Variants in NEO1 observed in about 807,000 individuals in gnomAD.
NEO1 encodes the protein neogenin.
A neutral mutation model predicts 159.7 loss-of-function variants in NEO1; 63 were observed. The ratio of observed to expected loss-of-function variants is 0.39; its 90% confidence interval spans 0.32 to 0.49. The LOEUF is 0.49. NEO1 is among the 20% of genes least tolerant of loss of function. The probability of loss-of-function intolerance (pLI) is 0.85; values close to 1 mark genes in which losing one functional copy is unlikely to be tolerated. For synonymous variants in NEO1, 633 were observed against 662.0 expected (o/e 0.96, Z 0.67); for missense variants, 1,615 against 1,831.0 (o/e 0.88, Z 2.15).
chr15:73,286,669 G>T (rs547442698), intron 23 of NEO1, among the ~76,000 whole-genome samples: 50 of 152,320 alleles, frequency 3.3e-4, no homozygotes, highest in African/African-American at 1.2e-3. Context: ...GTCCAGAGCA[G>T]AATTCATCAT....
At chr15:73,155,018 T>G (rs1433069109) in intron 5 of NEO1, among the ~76,000 whole-genome samples, 3 of 141,376 alleles carry the variant, frequency 2.1e-5, no homozygotes, top group South Asian at 4.2e-4. Flanking sequence ...AGTCTTTGTG[T>G]TTTTTTTTTT....
chr15:73,088,612 G>A (rs572286224), intron 1 of NEO1, among the ~76,000 whole-genome samples: 3 of 152,172 alleles, frequency 2.0e-5, no homozygotes, highest in South Asian at 4.1e-4. Context: ...AGGAGGCAAG[G>A]CTATCTTAAT....
At chr15:73,298,882 G>T (rs12442755) in intron 27 of NEO1, among the ~76,000 whole-genome samples, 45,297 of 152,028 alleles carry the variant, frequency 0.3, 7,372 homozygotes, top group East Asian at 0.53. Flanking sequence ...AGCACCTTTG[G>T]TGGTAAGTCC....
At chr15:73,253,162 G>C (rs1426063314) in intron 11 of NEO1, among the ~76,000 whole-genome samples, 1 of 152,098 alleles carries the variant, frequency 6.6e-6, no homozygotes, top group East Asian at 1.9e-4. Flanking sequence ...GTACAGCCTG[G>C]CTTGGGTGTA....
At chr15:73,114,868 A>G (rs529751831) in intron 1 of NEO1, among the ~76,000 whole-genome samples, 16 of 152,132 alleles carry the variant, frequency 1.1e-4, no homozygotes, top group Non-Finnish European at 1.6e-4. Context: ...CTATCTTTTT[A>G]TACTTTTTAT....
rs1197357686 is a variant in NEO1, at chr15:73,254,746, A to G, written c.2009A>G (p.Lys670Arg). 4 of 1,614,140 alleles carry G rather than the reference A, an allele frequency of 2.5e-6. No individual in the cohort carries two copies. Among genetic ancestry groups the G allele is most frequent in the Non-Finnish European group, 3.4e-6 (4 of 1,180,004 alleles). The change falls in exon 13 of 29, where the codon AAG becomes AGG. Residue 670 changes from lysine (K) to arginine (R), a missense_variant. Coordinates refer to ENST00000261908, the MANE Select transcript of NEO1 (RefSeq NM_002499.4). Reference protein sequence around the residue: ...ATQNGQITGYKIRYRKASRKS... With the variant: ...ATQNGQITGYRIRYRKASRKS... Reference sequence around the variant, plus strand: ...CAAAATGGGCAGATTACTGGCTACAAGATTCGCTACCGAAAGGCCTCCCGA... The same window carrying G: ...CAAAATGGGCAGATTACTGGCTACAGGATTCGCTACCGAAAGGCCTCCCGA...
At chr15:73,146,719 A>C (rs1201603776) in intron 5 of NEO1, among the ~76,000 whole-genome samples, 1 of 152,242 alleles carries the variant, frequency 6.6e-6, no homozygotes, top group African/African-American at 2.4e-5. Flanking sequence ...AGAAATATCC[A>C]TGTGAAATAA....
At chr15:73,276,156 T>G (rs978738773) in intron 21 of NEO1, among the ~76,000 whole-genome samples, 16 of 152,242 alleles carry the variant, frequency 1.1e-4, no homozygotes, top group African/African-American at 3.9e-4. Context: ...GTGCAATTCT[T>G]AGCTGCCTGA....
chr15:73,264,647 G>A (rs1357379054), intron 15 of NEO1, among the ~76,000 whole-genome samples: 1 of 152,188 alleles, frequency 6.6e-6, no homozygotes, highest in Non-Finnish European at 1.5e-5. Flanking sequence ...AAGCAAGTGA[G>A]AGGTGGAGAA....
chr15:73,099,738 T>C (rs548402551), intron 1 of NEO1, among the ~76,000 whole-genome samples: 12 of 152,196 alleles, frequency 7.9e-5, no homozygotes, highest in Non-Finnish European at 1.5e-4. Context: ...TGTAGACATA[T>C]GGGTACTTGA....
At chr15:73,288,219 A>G (rs1451537235) in intron 23 of NEO1, 94 bp from the exon 24 acceptor site, 3 of 1,206,560 alleles carry the variant, frequency 2.5e-6, no homozygotes, top group African/African-American at 3.0e-5. Flanking sequence ...TGCTTGAAAC[A>G]TCTCTCAGAA....
intron 26 of NEO1, among the ~76,000 whole-genome samples, chr15:73,297,719 C>G (rs1351258220): frequency 6.6e-6 from 1 of 152,244 alleles, no homozygotes; most frequent in African/African-American, 2.4e-5. Context: ...AATCTACCCC[C>G]ATTTCCTTCT....
chr15:73,146,913 C>T (rs1051455999), intron 5 of NEO1, among the ~76,000 whole-genome samples: 1 of 152,084 alleles, frequency 6.6e-6, no homozygotes, highest in African/African-American at 2.4e-5. Flanking sequence ...ATTTTTGTTA[C>T]TAAAATGACC....
At chr15:73,221,236 C>T (rs1306232313) in intron 7 of NEO1, among the ~76,000 whole-genome samples, 1 of 152,218 alleles carries the variant, frequency 6.6e-6, no homozygotes, top group Non-Finnish European at 1.5e-5. Context: ...GTCTGCAGAA[C>T]AGCGGTTTTT....
intron 1 of NEO1, among the ~76,000 whole-genome samples, chr15:73,106,797 G>C (rs1298061403): frequency 6.6e-6 from 1 of 152,160 alleles, no homozygotes; most frequent in Non-Finnish European, 1.5e-5. Flanking sequence ...AATAATTAAT[G>C]TAGGAAAAGC....
Position 73,302,924 on chromosome 15 carries a change from T to A in NEO1, c.*228T>A. 2.0e-6 allele frequency: 1 copy of A among 501,830 alleles called. No individual in the cohort carries two copies. The highest frequency in any genetic ancestry group is 2.3e-5 in the South Asian group (1 of 43,340). 31.1% of individuals were successfully genotyped at this position (501,830 alleles called of 1,614,324 possible). A position where few individuals can be genotyped will look rare whatever the true frequency, so the allele number is the denominator to read the frequency against. On this transcript the variant is annotated 3_prime_UTR_variant, in exon 29 of 29. Transcript: ENST00000261908. ...GAGGCAGCTTCCCTTTGCCTGCTGA[T>A]ATTCTGCAGGACTGGGCACCATGGG... is the stretch of plus-strand genomic sequence containing the variant.
At chr15:73,186,486 G>A (rs192637847) in intron 7 of NEO1, among the ~76,000 whole-genome samples, 1 of 152,034 alleles carries the variant, frequency 6.6e-6, no homozygotes, top group African/African-American at 2.4e-5. Flanking sequence ...AAACAAAGTG[G>A]GCTAGAGTGT....
At chr15:73,091,719 A>C (rs1595952736) in intron 1 of NEO1, among the ~76,000 whole-genome samples, 1 of 144,348 alleles carries the variant, frequency 6.9e-6, no homozygotes, top group African/African-American at 2.6e-5. Context: ...ATACACCACC[A>C]CACCTGGCTA....
intron 1 of NEO1, among the ~76,000 whole-genome samples, chr15:73,103,790 A>G (rs557838785): frequency 1.2e-4 from 19 of 152,370 alleles, no homozygotes; most frequent in Non-Finnish European, 2.5e-4. Context: ...CAAAAGCAAC[A>G]AAAGAAAAAT....
Sources: gnomAD v4.1 joint callset for allele counts (sites outside exome capture counted in the v4.1 genomes callset) on GRCh38, gnomAD v4.1.1 for gene constraint, MANE v1.5 for transcripts, NCBI Gene and HGNC (gene_info 2026-07-23, HGNC 2026-07-21) for gene names.